CSRNP3: variants seen among roughly 807,000 people sequenced by gnomAD.
CSRNP3 encodes the protein cysteine/serine-rich nuclear protein 3.
In CSRNP3, 12 loss-of-function variants were observed where a neutral mutation model predicts 48.0. The observed-to-expected ratio is 0.25, with a 90% CI of 0.16 to 0.41. The LOEUF (loss-of-function observed/expected upper bound fraction) is 0.41, where lower values mean the gene tolerates loss of function less well. CSRNP3 is among the 10% of genes least tolerant of loss of function. The pLI, the probability that CSRNP3 is intolerant of heterozygous loss-of-function variation, is 1.00. For synonymous variants in CSRNP3, 263 were observed against 269.7 expected (o/e 0.98, Z 0.24); for missense variants, 580 against 724.4 (o/e 0.80, Z 2.29).
chr2:165,671,335 G>C (rs1558969755), intron 5 of CSRNP3, among the ~76,000 whole-genome samples: 1 of 152,212 alleles, frequency 6.6e-6, no homozygotes, highest in Non-Finnish European at 1.5e-5. Context: ...AATGAAGATG[G>C]GTTGTATTAA....
At chr2:165,596,867 C>G (rs1685820575) in intron 4 of CSRNP3, among the ~76,000 whole-genome samples, 1 of 152,144 alleles carries the variant, frequency 6.6e-6, no homozygotes, top group Non-Finnish European at 1.5e-5. Context: ...ATGATCATAG[C>G]TTACATTTAT....
chr2:165,546,849 A>G (rs1241837561), intron 3 of CSRNP3, among the ~76,000 whole-genome samples: 1 of 152,242 alleles, frequency 6.6e-6, no homozygotes, highest in East Asian at 1.9e-4. Context: ...TGAATTACTT[A>G]TACTTTTTTC....
chr2:165,515,316 C>G (rs111343995), intron 2 of CSRNP3, among the ~76,000 whole-genome samples: 2 of 130,846 alleles, frequency 1.5e-5, no homozygotes, highest in African/African-American at 5.8e-5. Context: ...GGCAAGACTC[C>G]ATCTCAAAAA....
In CSRNP3 at chr2:165,469,729, C is replaced by G. The variant is rs1949283; in HGVS notation, c.-294C>G. The G allele has an allele frequency of 1.4e-3, 206 of 152,134 alleles. No individual in the cohort carries two copies. The highest frequency in any genetic ancestry group is 1.8e-3 in the Non-Finnish European group (119 of 67,926). 9.4% of individuals were successfully genotyped at this position (152,134 alleles called of 1,614,324 possible). A position where few individuals can be genotyped will look rare whatever the true frequency, so the allele number is the denominator to read the frequency against. On this transcript the variant is annotated 5_prime_UTR_variant, in exon 1 of 7. Coordinates refer to ENST00000651982, the MANE Select transcript of CSRNP3 (RefSeq NM_001172173.2). ...TTCTGACGGAGCCGAAGTACAGAAA[C>G]CATATTTACAGGTAAGAGCGAAAAA...
chr2:165,611,999 A>C (rs1225045732), intron 4 of CSRNP3, among the ~76,000 whole-genome samples: 2 of 152,128 alleles, frequency 1.3e-5, no homozygotes, highest in Non-Finnish European at 2.9e-5. Context: ...CCCAAAAGTA[A>C]AAACATTTAT....
rs138206669 is a variant in CSRNP3, at chr2:165,639,886, G to T, written c.149-17875G>T. Among the ~76,000 whole-genome samples, 489 of 152,180 alleles carry T rather than the reference G, an allele frequency of 3.2e-3. 2 individuals are homozygous for T. The highest frequency in any genetic ancestry group is 0.011 in the African/African-American group (462 of 41,528). ...GACCCTAGGACTTAGCATTATTCCT[G>T]ATATATTTGTCAATTATCTGTCAGA... On this transcript the variant is annotated intron_variant, in intron 4 of 6. Transcript: ENST00000651982.
chr2:165,661,795 G>T (rs945587078), intron 5 of CSRNP3, among the ~76,000 whole-genome samples: 6 of 152,164 alleles, frequency 3.9e-5, no homozygotes, highest in Admixed American at 2.6e-4. Context: ...GCTGAATAAG[G>T]AGTGAGGAAA....
intron 1 of CSRNP3, among the ~76,000 whole-genome samples, chr2:165,470,605 T>C (rs758636710): frequency 1.3e-5 from 2 of 152,082 alleles, no homozygotes; most frequent in Non-Finnish European, 2.9e-5. Flanking sequence ...TAGGTGCTTG[T>C]ATCTCCTAAT....
chr2:165,530,588 C>T (rs1684797466), intron 3 of CSRNP3, among the ~76,000 whole-genome samples: 1 of 152,062 alleles, frequency 6.6e-6, no homozygotes, highest in African/African-American at 2.4e-5. Context: ...GGAATTTTTC[C>T]TCTCCTAATT....
chr2:165,661,684 G>A (rs972140876), intron 5 of CSRNP3, among the ~76,000 whole-genome samples: 8 of 152,262 alleles, frequency 5.3e-5, no homozygotes, highest in South Asian at 2.1e-4. Flanking sequence ...TCATTGGTAC[G>A]GAAAAGCATT....
rs562121332 is a variant in CSRNP3 at position 165,669,409 on chromosome 2, C to G, written c.409-6903C>G. Among the ~76,000 whole-genome samples, 95 of 151,990 alleles carry G rather than the reference C, an allele frequency of 6.3e-4. 1 individual carries two copies. Among genetic ancestry groups the G allele is most frequent in the African/African-American group, 2.2e-3 (93 of 41,450 alleles). On this transcript the variant is annotated intron_variant, in intron 5 of 6. Transcript: ENST00000651982. Reference sequence around the variant, plus strand: ...GGTGTTTGGGGGCCCTTGATGGCACCAAAAATTTCATCTCATTAAAATTTA... The same window carrying G: ...GGTGTTTGGGGGCCCTTGATGGCACGAAAAATTTCATCTCATTAAAATTTA...
At chr2:165,504,530 A>G (rs941680199) in intron 2 of CSRNP3, among the ~76,000 whole-genome samples, 1 of 152,076 alleles carries the variant, frequency 6.6e-6, no homozygotes, top group Non-Finnish European at 1.5e-5. Flanking sequence ...AATAAAAATA[A>G]TTTTTTCACT....
At position 165,501,730 on chromosome 2, in the gene CSRNP3, T is replaced by G. The variant is rs1383048037; in HGVS notation, c.-113+6802T>G. Among the ~76,000 whole-genome samples, 7 of 152,308 alleles carry G rather than the reference T, an allele frequency of 4.6e-5. No individual in the cohort carries two copies. In the East Asian group the frequency reaches 1.2e-3, roughly 25 times the overall value. On this transcript the variant is annotated intron_variant, in intron 2 of 6. Coordinates refer to ENST00000651982, the MANE Select transcript of CSRNP3 (RefSeq NM_001172173.2). ...CAATTGATGAAATGTTTTCTTCATC[T>G]TAAGTATAACGTGAGTCAACTGAAA...
At chr2:165,651,352 A>G (rs1293333849) in intron 4 of CSRNP3, among the ~76,000 whole-genome samples, 1 of 152,230 alleles carries the variant, frequency 6.6e-6, no homozygotes, top group Non-Finnish European at 1.5e-5. Flanking sequence ...GTGAGTGTGG[A>G]AAGAGAAAAA....
At chr2:165,522,952 C>T (rs1194217463) in intron 3 of CSRNP3, among the ~76,000 whole-genome samples, 1 of 152,150 alleles carries the variant, frequency 6.6e-6, no homozygotes, top group Non-Finnish European at 1.5e-5. Flanking sequence ...ATAGCATTCA[C>T]TAATCCTTTC....
chr2:165,539,323 T>A (rs1371284172), intron 3 of CSRNP3, among the ~76,000 whole-genome samples: 2 of 152,008 alleles, frequency 1.3e-5, no homozygotes, highest in African/African-American at 4.8e-5. Context: ...TCTGCCCAGC[T>A]AGTACACTGA....
At chr2:165,497,096 TG>T (rs1161523806) in intron 2 of CSRNP3, among the ~76,000 whole-genome samples, 5 of 152,032 alleles carry the variant, frequency 3.3e-5, no homozygotes, top group African/African-American at 9.7e-5. Context: ...AACAGTATAG[TG>T]GAGAGTGGTT....
At chr2:165,624,025 C>T (rs1403722741) in intron 4 of CSRNP3, among the ~76,000 whole-genome samples, 2 of 152,158 alleles carry the variant, frequency 1.3e-5, no homozygotes, top group African/African-American at 4.8e-5. Context: ...GCTCCCACTC[C>T]TACAACCAAC....
chr2:165,684,719 A>G lies in CSRNP3; in HGVS notation c.*4966A>G, dbSNP rs956709486. Reference sequence around the variant, plus strand: ...TCATCAGATGTTTTCTATAGTAGTAAAGAATTTGATTGACTTAATTGAATA... The same window carrying G: ...TCATCAGATGTTTTCTATAGTAGTAGAGAATTTGATTGACTTAATTGAATA... On this transcript the variant is annotated 3_prime_UTR_variant, in exon 7 of 7. Transcript: ENST00000651982. 4.6e-5 allele frequency: 7 copies of G among 152,118 alleles called. No individual in the cohort carries two copies. Among genetic ancestry groups the G allele is most frequent in the African/African-American group, 1.7e-4 (7 of 41,440 alleles). 9.4% of individuals were successfully genotyped at this position (152,118 alleles called of 1,614,324 possible).
Sources: allele counts gnomAD v4.1 joint callset (sites outside exome capture counted in the v4.1 genomes callset), GRCh38; gene constraint gnomAD v4.1.1; transcripts MANE v1.5; gene names NCBI Gene and HGNC (gene_info 2026-07-23, HGNC 2026-07-21).